Variants in COL6A3 observed in about 807,000 individuals in gnomAD.
COL6A3 encodes collagen alpha-3(VI) chain.
In COL6A3, 137 loss-of-function variants were observed where a neutral mutation model predicts 274.1. The ratio of observed to expected loss-of-function variants is 0.50; its 90% CI spans 0.44 to 0.58. The LOEUF (loss-of-function observed/expected upper bound fraction) is 0.58, where lower values mean the gene tolerates loss of function less well. Ranked by LOEUF, COL6A3 falls within the 20% of genes least tolerant of loss-of-function variation. The probability of loss-of-function intolerance (pLI) is 0.00; values close to 1 mark genes in which losing one functional copy is unlikely to be tolerated. For synonymous variants in COL6A3, 1,650 were observed against 1,650.6 expected, an observed-to-expected ratio of 1.00 and a Z score of 0.01; for missense variants, 3,950 against 4,124.9, an observed-to-expected ratio of 0.96 and a Z score of 1.16.
chr2:237,377,463 G>A (rs2077879962), intron 6 of COL6A3, 119 bp from the exon 7 acceptor site: 4 of 966,162 alleles, frequency 4.1e-6, no homozygotes, highest in Non-Finnish European at 4.8e-6. Context: ...TGACCACTGT[G>A]CCAGCAAGAG....
At position 237,359,400 on chromosome 2, in the gene COL6A3, GGC is replaced by G. The variant is rs1354642703; in HGVS notation, c.6283-14_6283-13del. On this transcript the variant is annotated splice_polypyrimidine_tract_variant and intron_variant, in intron 17 of 43. Coordinates refer to ENST00000295550, the MANE Select transcript of COL6A3 (RefSeq NM_004369.4). Reference sequence around the variant, plus strand: ...AATCCCCGAGAGCCCTAGAAGGCAAGGCGATAGGGGAAGCATTAGCTTTTCCT... The same window carrying G: ...AATCCCCGAGAGCCCTAGAAGGCAAGGATAGGGGAAGCATTAGCTTTTCCT... 6.2e-7 allele frequency: 1 copy of G among 1,613,720 alleles called. No individual in the cohort carries two copies. The highest frequency in any genetic ancestry group is 8.5e-7 in the Non-Finnish European group (1 of 1,179,900).
intron 1 of COL6A3, among the ~76,000 whole-genome samples, chr2:237,412,518 C>T (rs1315135927): frequency 1.3e-5 from 2 of 152,228 alleles, no homozygotes; most frequent in Non-Finnish European, 2.9e-5. Context: ...CCTGGTTGCT[C>T]ATTTTGAAAA....
intron 28 of COL6A3, among the ~76,000 whole-genome samples, chr2:237,349,598 G>A (rs1406451687): frequency 1.0e-4 from 13 of 128,218 alleles, no homozygotes; most frequent in South Asian, 4.8e-4. Flanking sequence ...ACAATGGACC[G>A]TAGATTTCTT....
chr2:237,361,877 C>T lies in COL6A3; in HGVS notation c.6064-46G>A. 1 of 1,547,236 alleles carries T rather than the reference C, an allele frequency of 6.5e-7. No individual in the cohort carries two copies. The highest frequency in any genetic ancestry group is 8.9e-7 in the Non-Finnish European group (1 of 1,119,018). Reference sequence around the variant, plus strand: ...CAAATGTTCAGATCTCAAGAAATGCCCAGCAGAAAATCATAAATGCGCTTT... The same window carrying T: ...CAAATGTTCAGATCTCAAGAAATGCTCAGCAGAAAATCATAAATGCGCTTT... On this transcript the variant is annotated intron_variant, in intron 14 of 43. Coordinates refer to ENST00000295550, the MANE Select transcript of COL6A3 (RefSeq NM_004369.4). This position sits in a 1 kb window ranked among gnomAD's most constrained non-coding sequence, Gnocchi z 5.1.
rs775503907 is a variant in COL6A3 at position 237,361,081 on chromosome 2, AG to A, written c.6210+39del. On this transcript the variant is annotated intron_variant, in intron 16 of 43. Transcript: ENST00000295550. The surrounding 1 kb of genome is among the most constrained non-coding windows in gnomAD (Gnocchi z 5.1). ...CAATCCCAATGGGTAAGGATCAAGGAGGGGGTGAAATTTTAGGGACTAAAAC... is the reference window on the plus strand; with the variant it reads ...CAATCCCAATGGGTAAGGATCAAGGAGGGGTGAAATTTTAGGGACTAAAAC... 2.6e-6 allele frequency: 4 copies of A among 1,535,948 alleles called. No homozygotes were observed. The Middle Eastern group carries it at 5.1e-4, about 194-fold the overall frequency.
chr2:237,347,858 A>G lies in COL6A3; in HGVS notation c.6978T>C (p.Gly2326=), dbSNP rs755565292. The change falls in exon 31 of 44, where the codon GGT becomes GGC. Residue 2326 remains glycine (G), a synonymous_variant. Transcript: ENST00000295550. ...CTGTTGTTCCATTTAGCCCAGGTTCACCTGGGTTACCCTGGGAAGAAAGCC... is the reference window on the plus strand; with the variant it reads ...CTGTTGTTCCATTTAGCCCAGGTTCGCCTGGGTTACCCTGGGAAGAAAGCC... The part of the protein sequence containing the change: ...PGYPGPKGNP[G]EPGLNGTTGP... 3.1e-6 allele frequency: 5 copies of G among 1,609,940 alleles called. No individual in the cohort carries two copies. The African/African-American group carries it at 6.7e-5, about 22-fold the overall frequency.
chr2:237,342,213 T>C, intron 36 of COL6A3, 52 bp from the exon 37 acceptor site: 1 of 1,385,750 alleles, frequency 7.2e-7, no homozygotes, highest in Non-Finnish European at 1.0e-6. Flanking sequence ...ATCAGTAATA[T>C]CTGAAAATAT....
chr2:237,390,091 C>T (rs553002140), intron 3 of COL6A3, among the ~76,000 whole-genome samples: 4 of 152,278 alleles, frequency 2.6e-5, no homozygotes, highest in South Asian at 2.1e-4. Flanking sequence ...TCAAAGGACA[C>T]GGAAGGATTT....
rs151234107 is a variant in COL6A3, at chr2:237,365,824, G to A, written c.5712C>T (p.Asp1904=). Reference sequence around the variant, plus strand: ...TCTCGAGCATCTCTGGCTGGTACTCGTCAAAGTCAAAGGCCTCCACCGGGC... The same window carrying A: ...TCTCGAGCATCTCTGGCTGGTACTCATCAAAGTCAAAGGCCTCCACCGGGC... ...PSGPVEAFDF[D]EYQPEMLEKF... is the part of the protein sequence containing the mutation. The change falls in exon 12 of 44, where the codon GAC becomes GAT. Residue 1904 remains aspartate, a synonymous_variant. Coordinates refer to ENST00000295550, the MANE Select transcript of COL6A3 (RefSeq NM_004369.4). 2.3e-4 allele frequency: 371 copies of A among 1,614,156 alleles called. No individual in the cohort carries two copies. The East Asian group carries it at 4.8e-3, about 21-fold the overall frequency.
Position 237,372,060 on chromosome 2 carries a change from C to A in COL6A3, c.3957G>T (p.Val1319=). The change falls in exon 9 of 44, where the codon GTG becomes GTT. Residue 1319 remains valine (V), a synonymous_variant. Transcript: ENST00000295550. ...QINVGNALEY[V]SRNIFKRPLG... Reference sequence around the variant, plus strand: ...GGGGCCTCTTGAAGATGTTCCTGGACACGTACTCCAGGGCATTGCCCACGT... The same window carrying A: ...GGGGCCTCTTGAAGATGTTCCTGGAAACGTACTCCAGGGCATTGCCCACGT... The A allele has an allele frequency of 6.2e-7, 1 of 1,614,084 alleles. No homozygotes were observed. Among genetic ancestry groups the A allele is most frequent in the Non-Finnish European group, 8.5e-7 (1 of 1,180,040 alleles).
At position 237,367,139 on chromosome 2, in the gene COL6A3, T is replaced by C. The variant is rs753510231; in HGVS notation, c.5048A>G (p.Tyr1683Cys). The stretch of plus-strand genomic sequence containing the variant: ...GAATTCGTCAGTGGGGTCAGAGTTG[T>C]ACTGGACAAGCCCCACTTGGATGGA... The part of the protein sequence containing the change: ...GDSIQVGLVQ[Y>C]NSDPTDEFFL... The change falls in exon 11 of 44, where the codon TAC (tyrosine) becomes TGC (cysteine). Residue 1683 changes from tyrosine (Y) to cysteine (C), a missense_variant. By Grantham distance (194) the Tyr-to-Cys change is radical (BLOSUM62 -2). Coordinates refer to ENST00000295550, the MANE Select transcript of COL6A3 (RefSeq NM_004369.4). 6.2e-7 allele frequency: 1 copy of C among 1,614,208 alleles called. No homozygotes were observed. The highest frequency in any genetic ancestry group is 1.1e-5 in the South Asian group (1 of 91,080).
At position 237,399,346 on chromosome 2, in the gene COL6A3, C is replaced by T. The variant is rs144900458; in HGVS notation, c.-30-2499G>A. On this transcript the variant is annotated intron_variant, in intron 1 of 43. Coordinates refer to ENST00000295550, the MANE Select transcript of COL6A3 (RefSeq NM_004369.4). ...AAAGCCTCCATTTCCTCCTCTATAA[C>T]ACAGAACAATGATAGCCATGCCTCT... Among the ~76,000 whole-genome samples, 581 of 152,300 alleles carry T rather than the reference C, an allele frequency of 3.8e-3. 5 individuals are homozygous for T. The highest frequency in any genetic ancestry group is 3.9e-3 in the Non-Finnish European group (268 of 68,022).
In COL6A3 at chr2:237,345,475, ATGTAAAGCCCACGAGTGAACC is replaced by A. The variant is rs71893785; in HGVS notation, c.7093-283_7093-263del. 0.055 allele frequency among the ~76,000 whole-genome samples: 8,367 copies of A among 152,242 alleles called. 496 individuals carry two copies. The highest frequency in any genetic ancestry group is 0.15 in the African/African-American group (6,068 of 41,508). ...AAACCAGGAAGCTCACCACCAATCCATGTAAAGCCCACGAGTGAACCTGGGTCTAGATTCTGCTTCTCTTGA... is the reference window on the plus strand; with the variant it reads ...AAACCAGGAAGCTCACCACCAATCCATGGGTCTAGATTCTGCTTCTCTTGA... On this transcript the variant is annotated intron_variant, in intron 32 of 43. Transcript: ENST00000295550.
At position 237,344,347 on chromosome 2, in the gene COL6A3, G is replaced by A; in HGVS notation, c.7668+3C>T. The A allele has an allele frequency of 6.2e-7, 1 of 1,614,178 alleles. No individual in the cohort carries two copies. Among genetic ancestry groups the A allele is most frequent in the Non-Finnish European group, 8.5e-7 (1 of 1,180,024 alleles). ...ATGCCAACAGCACGCACAGAGCACA[G>A]ACCTGCAAAGCGTTGATGAGCTGCC... On this transcript the variant is annotated splice_donor_region_variant and intron_variant, in intron 36 of 43. Coordinates refer to ENST00000295550, the MANE Select transcript of COL6A3 (RefSeq NM_004369.4). This position sits in a 1 kb window ranked among gnomAD's most constrained non-coding sequence, Gnocchi z 4.8.
chr2:237,348,584 C>T (rs757290825), intron 29 of COL6A3, 29 bp downstream of exon 29: 35 of 1,608,666 alleles, frequency 2.2e-5, no homozygotes, highest in African/African-American at 5.3e-5. Context: ...GCAGCAAGGA[C>T]GCTTGGATAA....
Position 237,351,199 on chromosome 2 carries a change from C to A in COL6A3, c.6754-7G>T. ...CAGCGGCACCTCCGCTTCCCTGGAG[C>A]AGGAGGGGAGGAATGTGTCAGTGAA... On this transcript the variant is annotated splice_region_variant and splice_polypyrimidine_tract_variant and intron_variant, in intron 26 of 43. Coordinates refer to ENST00000295550, the MANE Select transcript of COL6A3 (RefSeq NM_004369.4). 1 of 1,614,072 alleles carries A rather than the reference C, an allele frequency of 6.2e-7. No homozygotes were observed. The highest frequency in any genetic ancestry group is 8.5e-7 in the Non-Finnish European group (1 of 1,179,898).
At chr2:237,366,580 C>G in intron 11 of COL6A3, 107 bp downstream of exon 11, 2 of 1,559,826 alleles carry the variant, frequency 1.3e-6, no homozygotes, top group Non-Finnish European at 1.8e-6. Flanking sequence ...ATGTATGAAG[C>G]AACCAAATGC....
At chr2:237,339,835 A>T (rs1256510031) in intron 38 of COL6A3, among the ~76,000 whole-genome samples, 1 of 152,162 alleles carries the variant, frequency 6.6e-6, no homozygotes, top group African/African-American at 2.4e-5. Flanking sequence ...CAGGCCAGGT[A>T]ATAGATGCCC....
chr2:237,342,898 C>G (rs2077019301), intron 36 of COL6A3: 1 of 152,398 alleles, frequency 6.6e-6, no homozygotes, highest in South Asian at 2.1e-4. Flanking sequence ...TTCGGCAGAA[C>G]AAGCCCTGAG....
Sources: allele counts gnomAD v4.1 joint callset (sites outside exome capture counted in the v4.1 genomes callset), GRCh38; gene constraint gnomAD v4.1.1; non-coding constraint Gnocchi (gnomAD v3.1); transcripts MANE v1.5; gene names NCBI Gene and HGNC (gene_info 2026-07-23, HGNC 2026-07-21).